Variants in PRKN observed in about 807,000 individuals in gnomAD.
PRKN encodes parkin RBR E3 ubiquitin protein ligase, also known as E3 ubiquitin-protein ligase parkin.
Under a neutral mutation model 59.5 loss-of-function variants are expected in PRKN, and 56 were observed. The ratio of observed to expected loss-of-function variants is 0.94; its 90% CI spans 0.76 to 1.18. The LOEUF (loss-of-function observed/expected upper bound fraction) is 1.18, where lower values mean the gene tolerates loss of function less well. Ranked by LOEUF, PRKN falls within the 50% of genes most tolerant of loss-of-function variation. The pLI is 0.00. For synonymous variants in PRKN, 250 were observed against 222.1 expected (o/e 1.13, Z -1.12); for missense variants, 657 against 596.4 (o/e 1.10, Z -1.06).
intron 7 of PRKN, among the ~76,000 whole-genome samples, chr6:161,766,730 T>A (rs1583131115): frequency 6.6e-6 from 1 of 152,310 alleles, no homozygotes; most frequent in East Asian, 1.9e-4. Flanking sequence ...TTGATTGTAT[T>A]TTTTCATGCT....
At chr6:161,670,076 A>G (rs979682952) in intron 7 of PRKN, among the ~76,000 whole-genome samples, 10 of 152,196 alleles carry the variant, frequency 6.6e-5, no homozygotes, top group Non-Finnish European at 1.3e-4. Context: ...TGGCAGAAGT[A>G]TTTCACAATT....
chr6:161,597,609 ACTCT>A (rs369845601), intron 7 of PRKN, among the ~76,000 whole-genome samples: 6 of 149,202 alleles, frequency 4.0e-5, no homozygotes, highest in African/African-American at 1.5e-4. Flanking sequence ...TCCACCCCCG[ACTCT>A]CTCTCTCTCT....
At chr6:161,479,795 G>C (rs1791299094) in intron 9 of PRKN, among the ~76,000 whole-genome samples, 1 of 152,158 alleles carries the variant, frequency 6.6e-6, no homozygotes, top group South Asian at 2.1e-4. Context: ...GGGTCACTGG[G>C]GCACCCCCTC....
In PRKN at chr6:162,370,078, A is replaced by T. The variant is rs146260563; in HGVS notation, c.171+73232T>A. On this transcript the variant is annotated intron_variant, in intron 2 of 11. Coordinates refer to ENST00000366898, the MANE Select transcript of PRKN (RefSeq NM_004562.3). ...TCTTGAAATATGGTTTTCTCTATGA[A>T]GAAAGCTTTTCTCTCCATAGAAAAA... is the stretch of plus-strand genomic sequence containing the variant. 5.9e-5 allele frequency among the ~76,000 whole-genome samples: 9 copies of T among 152,312 alleles called. No homozygotes were observed. The East Asian group carries it at 1.7e-3, about 29-fold the overall frequency.
intron 3 of PRKN, among the ~76,000 whole-genome samples, chr6:162,211,818 C>G (rs2128074298): frequency 6.6e-6 from 1 of 152,224 alleles, no homozygotes; most frequent in East Asian, 1.9e-4. Context: ...AAATTTGGAT[C>G]ATTTCTAGTA....
chr6:162,167,930 A>G (rs1405774076), intron 4 of PRKN, among the ~76,000 whole-genome samples: 1 of 152,220 alleles, frequency 6.6e-6, no homozygotes, highest in Non-Finnish European at 1.5e-5. Context: ...AAGCAAGAAT[A>G]TTAATAACAG....
intron 5 of PRKN, among the ~76,000 whole-genome samples, chr6:162,010,263 T>TTA (rs1013286998): frequency 1.5e-5 from 2 of 129,628 alleles, no homozygotes; most frequent in South Asian, 4.6e-4. Flanking sequence ...AATATATATT[T>TTA]TATATATATT....
intron 4 of PRKN, among the ~76,000 whole-genome samples, chr6:162,144,586 G>A (rs563493670): frequency 6.6e-6 from 1 of 152,262 alleles, no homozygotes; most frequent in East Asian, 1.9e-4. Context: ...CGAACTGTAG[G>A]ACCTATGGTC....
intron 1 of PRKN, among the ~76,000 whole-genome samples, chr6:162,581,044 A>G (rs1156925879): frequency 6.6e-6 from 1 of 152,200 alleles, no homozygotes; most frequent in Admixed American, 6.5e-5. Context: ...CTTCTGAGAA[A>G]GAGTCAAAAG....
chr6:161,786,125 C>A (rs1288560434), intron 6 of PRKN, among the ~76,000 whole-genome samples: 1 of 152,302 alleles, frequency 6.6e-6, no homozygotes, highest in African/African-American at 2.4e-5. Context: ...CCTAATTTTA[C>A]ATTTTTTATG....
At chr6:162,727,298 G>GGGC in intron 1 of PRKN, 1 of 341,058 alleles carries the variant, frequency 2.9e-6, no homozygotes, top group Admixed American at 5.1e-5. Context: ...CGAAGGTGAG[G>GGGC]GGCGGCGGCG....
Position 161,409,451 on chromosome 6 carries a change from A to C in PRKN, c.1084-22574T>G, listed in dbSNP as rs771326110. Among the ~76,000 whole-genome samples the C allele has an allele frequency of 8.5e-5, 13 of 152,132 alleles. No individual in the cohort carries two copies. Among genetic ancestry groups the C allele is most frequent in the Non-Finnish European group, 5.9e-5 (4 of 68,044 alleles). ...AAACGCAGTGTGCTGACACTAATAC[A>C]TAAAATGCGGAAGGACCCAGTCTTT... On this transcript the variant is annotated intron_variant, in intron 9 of 11. Coordinates refer to ENST00000366898, the MANE Select transcript of PRKN (RefSeq NM_004562.3). This position sits in a 1 kb window ranked among gnomAD's most constrained non-coding sequence, Gnocchi z 4.6.
intron 4 of PRKN, among the ~76,000 whole-genome samples, chr6:162,174,377 C>A (rs906660300): frequency 2.0e-5 from 3 of 152,158 alleles, no homozygotes; most frequent in Non-Finnish European, 2.9e-5. Context: ...TCCTTGCCGT[C>A]CCCTCAACCA....
rs1446005415 is a variant in PRKN at position 161,405,479 on chromosome 6, G to A, written c.1084-18602C>T. ...TGTAATCCCAGCTACTTGGGAGGCT[G>A]GGGCAGGAGAATTGCTTGAACCCAA... On this transcript the variant is annotated intron_variant, in intron 9 of 11. Coordinates refer to ENST00000366898, the MANE Select transcript of PRKN (RefSeq NM_004562.3). This position sits in a 1 kb window ranked among gnomAD's most constrained non-coding sequence, Gnocchi z 5.1. 6.6e-6 allele frequency among the ~76,000 whole-genome samples: 1 copy of A among 151,996 alleles called. No individual in the cohort carries two copies. The highest frequency in any genetic ancestry group is 6.6e-5 in the Admixed American group (1 of 15,246).
At chr6:162,059,730 T>C (rs1002307903) in intron 4 of PRKN, among the ~76,000 whole-genome samples, 1 of 152,124 alleles carries the variant, frequency 6.6e-6, no homozygotes, top group Non-Finnish European at 1.5e-5. Flanking sequence ...ATTTGGCTGG[T>C]TTTTAGAGAA....
chr6:161,420,449 T>C (rs1392989440), intron 9 of PRKN, among the ~76,000 whole-genome samples: 1 of 152,112 alleles, frequency 6.6e-6, no homozygotes, highest in African/African-American at 2.4e-5. Context: ...ATGCCAACTG[T>C]TGGTGCCAGG....
At chr6:162,203,830 T>C (rs1399241066) in intron 3 of PRKN, among the ~76,000 whole-genome samples, 1 of 152,206 alleles carries the variant, frequency 6.6e-6, no homozygotes. Flanking sequence ...TTCTTGATTA[T>C]CCCAATAACT....
intron 1 of PRKN, among the ~76,000 whole-genome samples, chr6:162,543,347 G>T (rs772424195): frequency 1.3e-5 from 2 of 151,874 alleles, no homozygotes; most frequent in Non-Finnish European, 2.9e-5. Flanking sequence ...CAGTCACATC[G>T]GCAAAAAATT....
At chr6:162,191,503 T>C (rs9347600) in intron 4 of PRKN, among the ~76,000 whole-genome samples, 17,265 of 152,216 alleles carry the variant, frequency 0.11, 1,250 homozygotes, top group Admixed American at 0.21. Flanking sequence ...AGTGCAATAG[T>C]GCCATCTTGG....
Sources: gnomAD v4.1 joint callset for allele counts (sites outside exome capture counted in the v4.1 genomes callset) on GRCh38, gnomAD v4.1.1 for gene constraint, Gnocchi (gnomAD v3.1) non-coding constraint, MANE v1.5 for transcripts, NCBI Gene and HGNC (gene_info 2026-07-23, HGNC 2026-07-21) for gene names.